Variants in YEATS2 observed in about 807,000 individuals in gnomAD.
The protein encoded by YEATS2 is YEATS domain containing 2.
A neutral mutation model predicts 163.2 loss-of-function variants in YEATS2; 77 were observed. The observed-to-expected ratio is 0.47, with a 90% CI of 0.39 to 0.57. YEATS2 has a LOEUF of 0.57. Among genes scored for constraint, YEATS2 ranks in the 20% least tolerant of loss-of-function variants. The pLI is 0.00. For missense variants in YEATS2, 1,549 were observed against 1,729.8 expected (o/e 0.90, Z 1.85); for synonymous variants, 631 against 645.1 (o/e 0.98, Z 0.33).
intron 21 of YEATS2, among the ~76,000 whole-genome samples, chr3:183,791,253 T>G (rs1724604681): frequency 6.6e-6 from 1 of 152,180 alleles, no homozygotes; most frequent in African/African-American, 2.4e-5. Flanking sequence ...CAGGCTGGTG[T>G]TGAACTCCTC....
chr3:183,785,619 A>G (rs1004975165), intron 19 of YEATS2, among the ~76,000 whole-genome samples: 1 of 152,000 alleles, frequency 6.6e-6, no homozygotes, highest in Admixed American at 6.6e-5. Flanking sequence ...TTGTGCCATT[A>G]CACTCCAGCC....
chr3:183,726,594 G>C (rs1368044120), intron 6 of YEATS2, among the ~76,000 whole-genome samples: 1 of 152,174 alleles, frequency 6.6e-6, no homozygotes, highest in Non-Finnish European at 1.5e-5. Context: ...GAGGAAAATT[G>C]ATTGGCTAGG....
At chr3:183,736,225 A>G (rs890868123) in intron 7 of YEATS2, among the ~76,000 whole-genome samples, 22 of 152,364 alleles carry the variant, frequency 1.4e-4, no homozygotes, top group African/African-American at 5.0e-4. Context: ...AGGGAAGGTC[A>G]TATTGTGAAC....
chr3:183,764,623 T>C (rs1255873596), intron 15 of YEATS2, among the ~76,000 whole-genome samples: 1 of 151,722 alleles, frequency 6.6e-6, no homozygotes, highest in South Asian at 2.1e-4. Context: ...CAGGCCAACA[T>C]AGTGAAACCC....
At chr3:183,709,073 T>C (rs1386482153) in intron 1 of YEATS2, among the ~76,000 whole-genome samples, 1 of 151,952 alleles carries the variant, frequency 6.6e-6, no homozygotes, top group South Asian at 2.1e-4. Flanking sequence ...GGCAGGAGAA[T>C]AGCTTGAACC....
intron 1 of YEATS2, among the ~76,000 whole-genome samples, chr3:183,713,875 G>T (rs143395159): frequency 6.6e-6 from 1 of 151,894 alleles, no homozygotes; most frequent in Non-Finnish European, 1.5e-5. Flanking sequence ...GCACGATCTC[G>T]GCTCACTGCA....
intron 15 of YEATS2, among the ~76,000 whole-genome samples, chr3:183,767,382 G>A (rs1406201198): frequency 1.6e-5 from 2 of 129,006 alleles, no homozygotes; most frequent in African/African-American, 5.3e-5. Context: ...ACCACGCCCA[G>A]CTAATTTTTT....
rs1722462151 is a variant in YEATS2 at position 183,771,542 on chromosome 3, C to CTTTTTTTTTTTT, written c.1948-763_1948-762insTTTTTTTTTTTT. Reference sequence around the variant, plus strand: ...TTTTAATAGTTAAATATTATTCTTGCCTTTTTTTTTTTTTTTTTTTTTTCT... The same window carrying CTTTTTTTTTTTT: ...TTTTAATAGTTAAATATTATTCTTGCTTTTTTTTTTTTCTTTTTTTTTTTTTTTTTTTTTTCT... On this transcript the variant is annotated intron_variant, in intron 15 of 30. Transcript: ENST00000305135. 3.5e-4 allele frequency among the ~76,000 whole-genome samples: 21 copies of CTTTTTTTTTTTT among 60,812 alleles called. 2 individuals are homozygous for CTTTTTTTTTTTT. The highest frequency in any genetic ancestry group is 8.7e-4 in the African/African-American group (9 of 10,298). The allele number at this position is 60,812 out of a possible 152,430, so 39.9% of individuals were successfully genotyped here. A position where few individuals can be genotyped will look rare whatever the true frequency, so the allele number is the denominator to read the frequency against.
At position 183,725,647 on chromosome 3, in the gene YEATS2, G is replaced by A. The variant is rs964582845; in HGVS notation, c.650+1116G>A. 9.2e-5 allele frequency among the ~76,000 whole-genome samples: 14 copies of A among 152,312 alleles called. No individual in the cohort carries two copies. In the East Asian group the frequency reaches 2.7e-3, roughly 29 times the overall value. On this transcript the variant is annotated intron_variant, in intron 6 of 30. Transcript: ENST00000305135. ...TGATTTATTATCACGAGAACAGCAT[G>A]GGAAAGACTCACCCCCATGATTCAA...
At position 183,810,783 on chromosome 3, in the gene YEATS2, T is replaced by C; in HGVS notation, c.*200T>C. 1.8e-6 allele frequency: 1 copy of C among 561,298 alleles called. No homozygotes were observed. The highest frequency in any genetic ancestry group is 3.2e-6 in the Non-Finnish European group (1 of 312,832). The allele number at this position is 561,298 out of a possible 1,614,324, so 34.8% of individuals were successfully genotyped here. ...CCTCCTAGGACAGGAGTTTGTTTCC[T>C]GAGTGTGGAGTGAGGCTGTCAGTGG... On this transcript the variant is annotated 3_prime_UTR_variant, in exon 31 of 31. Transcript: ENST00000305135.
intron 1 of YEATS2, among the ~76,000 whole-genome samples, chr3:183,705,591 CTG>C (rs1410369195): frequency 1.3e-5 from 2 of 151,910 alleles, no homozygotes; most frequent in East Asian, 3.9e-4. Context: ...TTGCATGTGT[CTG>C]TGTATAATAA....
chr3:183,748,232 C>A (rs1719767459), intron 9 of YEATS2, among the ~76,000 whole-genome samples: 1 of 149,788 alleles, frequency 6.7e-6, no homozygotes, highest in Non-Finnish European at 1.5e-5. Flanking sequence ...CTTTCCCCTT[C>A]CCCTTGTCCC....
At chr3:183,784,133 G>C (rs928949382) in intron 19 of YEATS2, among the ~76,000 whole-genome samples, 9 of 152,150 alleles carry the variant, frequency 5.9e-5, no homozygotes, top group African/African-American at 2.2e-4. Context: ...CTCCTGGGCT[G>C]AAGTGGCCTC....
intron 3 of YEATS2, 87 bp downstream of exon 3, chr3:183,717,835 A>C: frequency 1.4e-6 from 1 of 735,044 alleles, no homozygotes. Flanking sequence ...AGATGGAGTC[A>C]CAGTTTGCTT....
At chr3:183,775,088 A>G (rs951193769) in intron 17 of YEATS2, among the ~76,000 whole-genome samples, 2 of 152,332 alleles carry the variant, frequency 1.3e-5, no homozygotes, top group East Asian at 3.9e-4. Flanking sequence ...AAGAGAAGTA[A>G]AAAGACTTCA....
intron 12 of YEATS2, 85 bp from the exon 13 acceptor site, chr3:183,758,777 A>G (rs1372820736): frequency 2.4e-5 from 22 of 935,050 alleles, no homozygotes. Flanking sequence ...AATAGTGCGA[A>G]AGAGGGGAGG....
chr3:183,741,775 C>T (rs1487036706), intron 8 of YEATS2, among the ~76,000 whole-genome samples: 1 of 151,716 alleles, frequency 6.6e-6, no homozygotes, highest in South Asian at 2.1e-4. Flanking sequence ...AGCGAGACTC[C>T]ATCTCAAAAA....
intron 24 of YEATS2, chr3:183,801,192 T>A (rs1450135701): frequency 3.2e-6 from 1 of 312,042 alleles, no homozygotes; most frequent in Non-Finnish European, 5.9e-6. Context: ...GCTATTGAAT[T>A]TTAAGGTGTA....
chr3:183,721,754 C>A, intron 4 of YEATS2, 137 bp from the exon 5 acceptor site: 1 of 1,149,142 alleles, frequency 8.7e-7, no homozygotes, highest in Non-Finnish European at 1.2e-6. Flanking sequence ...GTTGGGATAT[C>A]ATTTTATGGA....
Sources: allele counts gnomAD v4.1 joint callset (sites outside exome capture counted in the v4.1 genomes callset), GRCh38; gene constraint gnomAD v4.1.1; transcripts MANE v1.5; gene names NCBI Gene and HGNC (gene_info 2026-07-23, HGNC 2026-07-21).